The following MMD2 variants were observed in gnomAD, a reference collection of about 807,000 sequenced individuals.
The protein encoded by MMD2 is monocyte to macrophage differentiation factor 2.
In MMD2, 30 loss-of-function variants were observed where a neutral mutation model predicts 33.5. The ratio of observed to expected loss-of-function variants is 0.90; its 90% CI spans 0.67 to 1.22. The LOEUF (loss-of-function observed/expected upper bound fraction) is 1.22. Ranked by LOEUF, MMD2 falls within the 50% of genes most tolerant of loss-of-function variation. The pLI is 0.00. For synonymous variants in MMD2, 129 were observed against 123.0 expected (o/e 1.05, Z -0.32); for missense variants, 364 against 325.4 (o/e 1.12, Z -0.91).
At chr7:4,911,812 C>T (rs1785022335) in intron 4 of MMD2, among the ~76,000 whole-genome samples, 1 of 151,938 alleles carries the variant, frequency 6.6e-6, no homozygotes, top group African/African-American at 2.4e-5. Flanking sequence ...CCATGCCCGG[C>T]TAATTTTGTA....
chr7:4,910,578 C>T (rs1042783251), intron 5 of MMD2, among the ~76,000 whole-genome samples: 1 of 152,056 alleles, frequency 6.6e-6, no homozygotes. Flanking sequence ...TGTGACCACC[C>T]CCGCCTCCCC....
chr7:4,897,227 TAAA>T, the MMD2 span, among the ~76,000 whole-genome samples: 1 of 117,164 alleles, frequency 8.5e-6, no homozygotes, highest in African/African-American at 3.2e-5. Flanking sequence ...GTGTTATATT[TAAA>T]AAAAAAAAAA....
intron 1 of MMD2, among the ~76,000 whole-genome samples, chr7:4,936,797 C>A (rs1785752622): frequency 6.6e-6 from 1 of 151,876 alleles, no homozygotes; most frequent in African/African-American, 2.4e-5. Flanking sequence ...TGCAATGGCG[C>A]GATCTCAGCT....
chr7:4,945,185 TTTCTTC>T lies in MMD2; in HGVS notation c.47+13780_47+13785del, dbSNP rs778065489. Among the ~76,000 whole-genome samples, 532 of 93,518 alleles carry T rather than the reference TTTCTTC, an allele frequency of 5.7e-3. 4 individuals are homozygous for T. The highest frequency in any genetic ancestry group is 8.2e-3 in the African/African-American group (207 of 25,194). The allele number at this position is 93,518 out of a possible 152,430, so 61.4% of individuals were successfully genotyped here. On this transcript the variant is annotated intron_variant, in intron 1 of 6. Transcript: ENST00000401401. ...TTCTTCCTTCTTCCTCCTCTTCCTC[TTTCTTC>T]TTCTTCTTCTTCTTCTTCTTCTTCT...
At chr7:4,912,611 C>G (rs1012234051) in intron 4 of MMD2, among the ~76,000 whole-genome samples, 1 of 151,436 alleles carries the variant, frequency 6.6e-6, no homozygotes, top group Non-Finnish European at 1.5e-5. Flanking sequence ...AGATCTGAAC[C>G]TCTTCCTAAG....
At chr7:4,957,651 G>GA (rs35465709) in intron 1 of MMD2, among the ~76,000 whole-genome samples, 52,553 of 143,488 alleles carry the variant, frequency 0.37, 10,423 homozygotes, top group Non-Finnish European at 0.47. Flanking sequence ...CTCCATCTCA[G>GA]AAAAAAAAAA....
chr7:4,958,924 G>C (rs1313507830), intron 1 of MMD2, 47 bp downstream of exon 1: 2 of 1,277,876 alleles, frequency 1.6e-6, no homozygotes, highest in Non-Finnish European at 2.0e-6. Context: ...CCCCGCCGCC[G>C]CGCGCCCCTC....
chr7:4,909,179 C>T (rs1346152974), intron 6 of MMD2, among the ~76,000 whole-genome samples: 2 of 151,990 alleles, frequency 1.3e-5, no homozygotes, highest in East Asian at 1.9e-4. Context: ...ACTATTAACA[C>T]GAGTTGTTCT....
chr7:4,896,673 C>T, the MMD2 span, among the ~76,000 whole-genome samples: 3 of 152,096 alleles, frequency 2.0e-5, no homozygotes, highest in Admixed American at 2.0e-4. Context: ...ACATAGATGA[C>T]TATTGTTCGA....
rs1784867927 is a variant in MMD2 at position 4,906,397 on chromosome 7, C to A, written c.*999G>T. The A allele has an allele frequency of 2.5e-6, 1 of 398,146 alleles. No individual in the cohort carries two copies. The highest frequency in any genetic ancestry group is 4.4e-6 in the Non-Finnish European group (1 of 225,938). 24.7% of individuals were successfully genotyped at this position (398,146 alleles called of 1,614,324 possible). A position where few individuals can be genotyped will look rare whatever the true frequency, so the allele number is the denominator to read the frequency against. ...TTCTGTTTGGGGTACACCTGAGTAG[C>A]CTCTAACAGCCACTGATTGGCACCA... On this transcript the variant is annotated 3_prime_UTR_variant, in exon 7 of 7. Transcript: ENST00000401401.
intron 2 of MMD2, 62 bp downstream of exon 2, chr7:4,925,389 C>T: frequency 1.5e-6 from 2 of 1,347,430 alleles, no homozygotes; most frequent in South Asian, 1.5e-5. Context: ...GGTGACTTCC[C>T]CCACCCCCCT....
At chr7:4,911,612 AT>A (rs1196264532) in intron 4 of MMD2, among the ~76,000 whole-genome samples, 88 of 151,632 alleles carry the variant, frequency 5.8e-4, no homozygotes, top group East Asian at 1.2e-3. Flanking sequence ...TATTTATTTT[AT>A]TTTATTTCAT....
At chr7:4,916,493 T>C (rs1435266982) in intron 3 of MMD2, among the ~76,000 whole-genome samples, 1 of 151,498 alleles carries the variant, frequency 6.6e-6, no homozygotes, top group African/African-American at 2.4e-5. Flanking sequence ...AGCCATTTTC[T>C]TGCCTCAGCC....
intron 2 of MMD2, 53 bp from the exon 3 acceptor site, chr7:4,920,384 A>C: frequency 1.9e-6 from 3 of 1,562,476 alleles, no homozygotes; most frequent in Non-Finnish European, 2.6e-6. Flanking sequence ...GGCTCAGAGC[A>C]CACCTCCTGC....
At chr7:4,938,951 T>G (rs1785825614) in intron 1 of MMD2, among the ~76,000 whole-genome samples, 1 of 152,030 alleles carries the variant, frequency 6.6e-6, no homozygotes, top group Non-Finnish European at 1.5e-5. Flanking sequence ...CTCACGTCTG[T>G]AATCCCAGCA....
At chr7:4,945,185 T>TCCTTCTTCTTCTTCTTCTTCTTCTTCTTC (rs1786024637) in intron 1 of MMD2, among the ~76,000 whole-genome samples, 1 of 93,480 alleles carries the variant, frequency 1.1e-5, no homozygotes, top group South Asian at 5.2e-4. Context: ...CCTCTTCCTC[T>TCCTTCTTCTTCTTCTTCTTCTTCTTCTTC]TTCTTCTTCT....
intron 1 of MMD2, among the ~76,000 whole-genome samples, chr7:4,935,581 G>T (rs566422711): frequency 6.7e-6 from 1 of 149,870 alleles, no homozygotes; most frequent in Non-Finnish European, 1.5e-5. Context: ...GGAGGCTGAG[G>T]TGGGAGGATC....
downstream of MMD2, among the ~76,000 whole-genome samples, chr7:4,902,767 G>A (rs1490680793): frequency 6.6e-6 from 1 of 152,122 alleles, no homozygotes; most frequent in Non-Finnish European, 1.5e-5. Context: ...AATTTGACAG[G>A]TGCCCATCTC....
At chr7:4,942,134 A>C (rs907165951) in intron 1 of MMD2, among the ~76,000 whole-genome samples, 1 of 151,894 alleles carries the variant, frequency 6.6e-6, no homozygotes, top group African/African-American at 2.4e-5. Context: ...TTGTATTTTT[A>C]GTAGAGACAG....
Sources: gnomAD v4.1 joint callset for allele counts (sites outside exome capture counted in the v4.1 genomes callset) on GRCh38, gnomAD v4.1.1 for gene constraint, MANE v1.5 for transcripts, NCBI Gene and HGNC (gene_info 2026-07-23, HGNC 2026-07-21) for gene names.